The following CDH18 variants were observed in gnomAD, a reference collection of about 807,000 sequenced individuals.
CDH18 encodes the protein cadherin 18.
Under a neutral mutation model 67.9 loss-of-function variants are expected in CDH18, and 31 were observed. The ratio of observed to expected loss-of-function variants is 0.46; its 90% confidence interval spans 0.34 to 0.62. CDH18 has a LOEUF of 0.62. CDH18 is among the 20% of genes least tolerant of loss of function. The probability of loss-of-function intolerance (pLI) is 0.01; values close to 1 mark genes in which losing one functional copy is unlikely to be tolerated. For missense variants in CDH18, 890 were observed against 975.5 expected (o/e 0.91, Z 1.17); for synonymous variants, 362 against 347.2 (o/e 1.04, Z -0.48).
intron 1 of CDH18, among the ~76,000 whole-genome samples, chr5:20,480,302 G>T (rs555989188): frequency 6.6e-6 from 1 of 152,236 alleles, no homozygotes; most frequent in African/African-American, 2.4e-5. Context: ...ATTAAAAGAT[G>T]AATTAATCAA....
intron 2 of CDH18, among the ~76,000 whole-genome samples, chr5:20,017,202 A>C (rs1737953067): frequency 6.6e-6 from 1 of 152,146 alleles, no homozygotes; most frequent in Non-Finnish European, 1.5e-5. Context: ...TATTTAAAGA[A>C]TTTTTCCCTT....
chr5:20,308,925 T>C (rs189321548), intron 1 of CDH18, among the ~76,000 whole-genome samples: 35 of 152,334 alleles, frequency 2.3e-4, no homozygotes, highest in African/African-American at 8.4e-4. Flanking sequence ...ACCCCTTTAA[T>C]CGTATAAGGT....
At position 20,340,524 on chromosome 5, in the gene CDH18, G is replaced by T. The variant is rs76339530; in HGVS notation, c.-579-85019C>A. ...GGCAGCAAAAGGAAGTCTCCTTGAC[G>T]CTGTCCAGCCTGTGTTGGGGACCAC... is the stretch of plus-strand genomic sequence containing the variant. On this transcript the variant is annotated intron_variant, in intron 1 of 14. Coordinates refer to the CDH18 transcript ENST00000507958. Among the ~76,000 whole-genome samples the T allele has an allele frequency of 5.8e-3, 883 of 152,248 alleles. 5 individuals carry two copies. Among genetic ancestry groups the T allele is most frequent in the South Asian group, 0.027 (128 of 4,816 alleles).
intron 1 of CDH18, among the ~76,000 whole-genome samples, chr5:20,534,825 A>G (rs1311808539): frequency 1.8e-5 from 2 of 111,250 alleles, no homozygotes; most frequent in Non-Finnish European, 3.5e-5. Context: ...TATTCTAAAT[A>G]CATGTATTTA....
intron 2 of CDH18, among the ~76,000 whole-genome samples, chr5:19,920,376 T>G (rs1003095258): frequency 1.3e-5 from 2 of 152,120 alleles, no homozygotes; most frequent in African/African-American, 4.8e-5. Flanking sequence ...AGACAACAGT[T>G]TTGGCCCAAG....
intron 2 of CDH18, among the ~76,000 whole-genome samples, chr5:19,897,982 T>C (rs1789535311): frequency 6.6e-6 from 1 of 152,124 alleles, no homozygotes. Context: ...TGAAAAGTCA[T>C]TGAGTCGTAC....
intron 1 of CDH18, among the ~76,000 whole-genome samples, chr5:20,376,872 C>A (rs1330635026): frequency 6.6e-6 from 1 of 152,014 alleles, no homozygotes; most frequent in Non-Finnish European, 1.5e-5. Flanking sequence ...CTAAAATTAG[C>A]CGGGCGTGGT....
At chr5:19,693,919 T>C (rs1047314912) in intron 5 of CDH18, among the ~76,000 whole-genome samples, 1 of 150,126 alleles carries the variant, frequency 6.7e-6, no homozygotes, top group Admixed American at 6.7e-5. Flanking sequence ...AAAAAGATTA[T>C]GACAGGAGGC....
chr5:20,372,187 A>G (rs537709501), intron 1 of CDH18, among the ~76,000 whole-genome samples: 14 of 152,314 alleles, frequency 9.2e-5, no homozygotes, highest in Non-Finnish European at 1.2e-4. Context: ...AGCTGAGTGG[A>G]GAGACCAAAG....
chr5:19,789,591 C>G (rs1035382931), intron 3 of CDH18, among the ~76,000 whole-genome samples: 2 of 151,850 alleles, frequency 1.3e-5, no homozygotes, highest in African/African-American at 4.8e-5. Context: ...TTGATGATGA[C>G]AAAAAATACG....
chr5:20,501,556 A>ATT (rs1491463446), intron 1 of CDH18, among the ~76,000 whole-genome samples: 3 of 58,448 alleles, frequency 5.1e-5, no homozygotes, highest in South Asian at 5.5e-4. Flanking sequence ...TTATATATAT[A>ATT]ATATATATAT....
chr5:20,131,967 G>T (rs551244087), intron 2 of CDH18, among the ~76,000 whole-genome samples: 102 of 151,810 alleles, frequency 6.7e-4, no homozygotes, highest in African/African-American at 2.4e-3. Flanking sequence ...GGCTCACTGC[G>T]ACCTCTACCT....
chr5:19,892,910 C>T (rs1788931078), intron 2 of CDH18, among the ~76,000 whole-genome samples: 1 of 152,180 alleles, frequency 6.6e-6, no homozygotes, highest in Admixed American at 6.6e-5. Flanking sequence ...ATATTAAACA[C>T]TGGTTGTTAT....
At chr5:19,626,709 A>G (rs1312624407) in intron 5 of CDH18, among the ~76,000 whole-genome samples, 2 of 151,760 alleles carry the variant, frequency 1.3e-5, no homozygotes, top group African/African-American at 4.9e-5. Flanking sequence ...AAAAAAAAAG[A>G]TAATTAAATC....
intron 10 of CDH18, among the ~76,000 whole-genome samples, chr5:19,513,604 T>G (rs1310286481): frequency 1.3e-5 from 2 of 152,240 alleles, no homozygotes; most frequent in African/African-American, 2.4e-5. Flanking sequence ...TTATTTGGAT[T>G]AAATTGATTT....
chr5:20,393,901 A>G (rs1033340782), intron 1 of CDH18, among the ~76,000 whole-genome samples: 4 of 152,098 alleles, frequency 2.6e-5, no homozygotes, highest in African/African-American at 9.6e-5. Context: ...GAAAGAAATC[A>G]TAGATGACAC....
chr5:20,558,855 C>A lies in CDH18; in HGVS notation c.-580+16607G>T, dbSNP rs984888328. Among the ~76,000 whole-genome samples the A allele has an allele frequency of 2.0e-5, 3 of 151,730 alleles. No individual in the cohort carries two copies. The South Asian group carries it at 6.2e-4, about 32-fold the overall frequency. ...GATTTTATATGAGCTGATGCTTTTC[C>A]AGGGATTCACAAAACACATGGAGAA... On this transcript the variant is annotated intron_variant, in intron 1 of 14. Coordinates refer to the CDH18 transcript ENST00000507958.
intron 1 of CDH18, among the ~76,000 whole-genome samples, chr5:20,292,190 A>AT (rs1197087116): frequency 3.3e-5 from 5 of 152,138 alleles, no homozygotes; most frequent in Non-Finnish European, 5.9e-5. Context: ...TTTTTATCTT[A>AT]TTTTTTATGT....
intron 9 of CDH18, among the ~76,000 whole-genome samples, chr5:19,543,537 T>C (rs1735768888): frequency 1.3e-5 from 2 of 152,120 alleles, no homozygotes; most frequent in Admixed American, 6.6e-5. Flanking sequence ...TATCAAGTCA[T>C]TCCAATGACT....
Sources: allele counts gnomAD v4.1 joint callset (sites outside exome capture counted in the v4.1 genomes callset), GRCh38; gene constraint gnomAD v4.1.1; transcripts MANE v1.5; gene names NCBI Gene and HGNC (gene_info 2026-07-23, HGNC 2026-07-21).